Variants in IGF1R observed in about 807,000 individuals in gnomAD.
IGF1R encodes insulin like growth factor 1 receptor, also known as insulin-like growth factor 1 receptor.
IGF1R carries 44 observed loss-of-function variants against 144.6 expected under a neutral mutation model. That is an observed-to-expected ratio of 0.30 (90% confidence interval 0.24 to 0.39). The LOEUF (loss-of-function observed/expected upper bound fraction) is 0.39, where lower values mean the gene tolerates loss of function less well. Ranked by LOEUF, IGF1R falls within the 10% of genes least tolerant of loss-of-function variation. The pLI is 1.00. For synonymous variants in IGF1R, 795 were observed against 722.8 expected (o/e 1.10, Z -1.60); for missense variants, 1,355 against 1,833.7 (o/e 0.74, Z 4.77).
chr15:98,671,437 C>T (rs1325453826), intron 1 of IGF1R, among the ~76,000 whole-genome samples: 3 of 152,116 alleles, frequency 2.0e-5, no homozygotes, highest in East Asian at 3.9e-4. Flanking sequence ...TGTAAACAAA[C>T]GTCATTTGTA....
chr15:98,755,718 C>CA lies in IGF1R; in HGVS notation c.640+47646dup, dbSNP rs56121011. ...TGAATGACAGAGCAAAACTCCATTG[C>CA]AAAAAAAAAAAAAAAAAAAAAAAAA... On this transcript the variant is annotated intron_variant, in intron 2 of 20. Transcript: ENST00000650285. 3.9e-3 allele frequency among the ~76,000 whole-genome samples: 134 copies of CA among 34,500 alleles called. 28 individuals carry two copies. Among genetic ancestry groups the CA allele is most frequent in the African/African-American group, 0.02 (128 of 6,444 alleles). 22.6% of individuals were successfully genotyped at this position (34,500 alleles called of 152,430 possible). A position where few individuals can be genotyped will look rare whatever the true frequency, so the allele number is the denominator to read the frequency against.
intron 1 of IGF1R, among the ~76,000 whole-genome samples, chr15:98,688,343 A>C (rs1189186253): frequency 4.3e-5 from 1 of 23,038 alleles, no homozygotes; most frequent in East Asian, 9.9e-4. Flanking sequence ...TCTGCCTTTC[A>C]CTTCCCCCCA....
At chr15:98,755,491 G>T (rs767674017) in intron 2 of IGF1R, among the ~76,000 whole-genome samples, 1 of 151,684 alleles carries the variant, frequency 6.6e-6, no homozygotes, top group Non-Finnish European at 1.5e-5. Context: ...CTGTAATCCC[G>T]GCAATTTGGG....
At chr15:98,722,397 AAC>A (rs2054266317) in intron 2 of IGF1R, among the ~76,000 whole-genome samples, 1 of 152,176 alleles carries the variant, frequency 6.6e-6, no homozygotes, top group Non-Finnish European at 1.5e-5. Context: ...CTGTTTGCCG[AAC>A]ACTGTATACA....
rs1345482541 is a variant in IGF1R, at chr15:98,962,748, T to TATCA, written c.*5307_*5310dup. 8.6e-6 allele frequency: 2 copies of TATCA among 233,434 alleles called. No homozygotes were observed. The highest frequency in any genetic ancestry group is 4.4e-5 in the African/African-American group (2 of 45,358). The allele number at this position is 233,434 out of a possible 1,614,324, so 14.5% of individuals were successfully genotyped here. A position where few individuals can be genotyped will look rare whatever the true frequency, so the allele number is the denominator to read the frequency against. ...TTTTGAACTTGATTGTTCTTGAAGCTATCAGACCACATCGAGGCTCAGCAG... is the reference window on the plus strand; with the variant it reads ...TTTTGAACTTGATTGTTCTTGAAGCTATCAATCAGACCACATCGAGGCTCAGCAG... On this transcript the variant is annotated 3_prime_UTR_variant, in exon 21 of 21. Coordinates refer to ENST00000650285, the MANE Select transcript of IGF1R (RefSeq NM_000875.5).
intron 2 of IGF1R, among the ~76,000 whole-genome samples, chr15:98,779,480 A>G (rs974976366): frequency 3.3e-5 from 5 of 152,226 alleles, no homozygotes; most frequent in African/African-American, 1.2e-4. Context: ...AAGTACTGCT[A>G]TTCCCACCGT....
At chr15:98,653,344 C>T (rs1718672188) in intron 1 of IGF1R, among the ~76,000 whole-genome samples, 1 of 152,032 alleles carries the variant, frequency 6.6e-6, no homozygotes, top group South Asian at 2.1e-4. Flanking sequence ...TTATGTTTTC[C>T]AACAAAGAAA....
At chr15:98,684,896 GCTCC>G (rs2053285902) in intron 1 of IGF1R, among the ~76,000 whole-genome samples, 1 of 150,734 alleles carries the variant, frequency 6.6e-6, no homozygotes, top group African/African-American at 2.4e-5. Context: ...CACACTGTAG[GCTCC>G]CTCCATGTAT....
At chr15:98,772,362 A>G (rs1262429069) in intron 2 of IGF1R, among the ~76,000 whole-genome samples, 3 of 151,902 alleles carry the variant, frequency 2.0e-5, no homozygotes, top group Non-Finnish European at 4.4e-5. Context: ...TTGAGTTCTC[A>G]TAGTGTGGTC....
At position 98,954,191 on chromosome 15, in the gene IGF1R, G is replaced by T. The variant is rs868017382; in HGVS notation, c.3723-2870G>T. The T allele has an allele frequency of 2.6e-5, 4 of 152,240 alleles. No homozygotes were observed. In the South Asian group the frequency reaches 6.2e-4, roughly 24 times the overall value. The allele number at this position is 152,240 out of a possible 1,614,324, so 9.4% of individuals were successfully genotyped here. On this transcript the variant is annotated intron_variant, in intron 20 of 20. Transcript: ENST00000650285. ...GGGCCAAGAGTGAAGTGAGAATACG[G>T]AGGCACCTCTGTGTGCTCACCCTGC...
At chr15:98,916,613 A>T in intron 9 of IGF1R, 59 bp from the exon 10 acceptor site, 3 of 1,413,570 alleles carry the variant, frequency 2.1e-6, no homozygotes, top group Non-Finnish European at 3.0e-6. Flanking sequence ...ATTTTTCCTT[A>T]CAAGCATGTA....
chr15:98,823,068 C>T (rs1314445695), intron 2 of IGF1R, among the ~76,000 whole-genome samples: 1 of 152,210 alleles, frequency 6.6e-6, no homozygotes, highest in Non-Finnish European at 1.5e-5. Flanking sequence ...GTTCCCCCCA[C>T]CTCATGCTGT....
At chr15:98,737,985 TCTG>T in intron 2 of IGF1R, among the ~76,000 whole-genome samples, 2 of 152,264 alleles carry the variant, frequency 1.3e-5, no homozygotes, top group Middle Eastern at 3.4e-3. Context: ...TGTATGAAGG[TCTG>T]CTGCTCTGAG....
intron 2 of IGF1R, among the ~76,000 whole-genome samples, chr15:98,882,885 A>G (rs2013451028): frequency 6.6e-6 from 1 of 152,154 alleles, no homozygotes; most frequent in South Asian, 2.1e-4. Flanking sequence ...CAGGTTCAGA[A>G]AGGTGTGGTC....
At chr15:98,716,394 C>T (rs769615388) in intron 2 of IGF1R, among the ~76,000 whole-genome samples, 11 of 152,150 alleles carry the variant, frequency 7.2e-5, no homozygotes. Context: ...CATAACTCAT[C>T]AAATGGCACA....
intron 2 of IGF1R, among the ~76,000 whole-genome samples, chr15:98,882,471 C>G (rs1238488529): frequency 2.6e-5 from 4 of 152,210 alleles, no homozygotes; most frequent in Non-Finnish European, 4.4e-5. Flanking sequence ...CAATGGATGA[C>G]TGTAAATTTC....
At chr15:98,738,164 C>T (rs1034003796) in intron 2 of IGF1R, among the ~76,000 whole-genome samples, 2 of 152,180 alleles carry the variant, frequency 1.3e-5, no homozygotes, top group African/African-American at 4.8e-5. Context: ...AACAGGTTAC[C>T]CTTTACCGGG....
chr15:98,795,055 A>G (rs1034815582), intron 2 of IGF1R, among the ~76,000 whole-genome samples: 1 of 152,238 alleles, frequency 6.6e-6, no homozygotes, highest in Non-Finnish European at 1.5e-5. Flanking sequence ...CTCAAGGAAG[A>G]AGCCAGATTT....
At chr15:98,830,605 C>CTTTTT (rs60426791) in intron 2 of IGF1R, among the ~76,000 whole-genome samples, 9 of 135,944 alleles carry the variant, frequency 6.6e-5, no homozygotes, top group South Asian at 2.3e-4. Flanking sequence ...TGATCATCAT[C>CTTTTT]TTTTTTTTTT....
Sources: allele counts gnomAD v4.1 joint callset (sites outside exome capture counted in the v4.1 genomes callset), GRCh38; gene constraint gnomAD v4.1.1; transcripts MANE v1.5; gene names NCBI Gene and HGNC (gene_info 2026-07-23, HGNC 2026-07-21).